FRMD4A: variants seen among roughly 807,000 people sequenced by gnomAD.
FRMD4A encodes the protein FERM domain-containing protein 4A.
FRMD4A carries 29 observed loss-of-function variants against 129.1 expected under a neutral mutation model. The ratio of observed to expected loss-of-function variants is 0.22; its 90% CI spans 0.17 to 0.31. FRMD4A has a LOEUF of 0.31. FRMD4A is among the 10% of genes least tolerant of loss of function. The pLI is 1.00. For missense variants in FRMD4A, 1,272 were observed against 1,375.8 expected, an observed-to-expected ratio of 0.92 and a Z score of 1.19; for synonymous variants, 634 against 571.6, an observed-to-expected ratio of 1.11 and a Z score of -1.56.
At chr10:13,923,595 T>A (rs74121794) in intron 2 of FRMD4A, among the ~76,000 whole-genome samples, 2 of 152,048 alleles carry the variant, frequency 1.3e-5, no homozygotes, top group Non-Finnish European at 2.9e-5. Context: ...TACCATAAGG[T>A]TTCATCACTT....
chr10:13,686,548 A>G (rs1252098612), intron 15 of FRMD4A, among the ~76,000 whole-genome samples: 1 of 152,234 alleles, frequency 6.6e-6, no homozygotes, highest in East Asian at 1.9e-4. Flanking sequence ...TGCCAGGCCC[A>G]TGTTTAGCAC....
chr10:13,699,270 T>A (rs2134862436), intron 14 of FRMD4A, among the ~76,000 whole-genome samples: 1 of 136,408 alleles, frequency 7.3e-6, no homozygotes, highest in Non-Finnish European at 1.5e-5. Flanking sequence ...AAAGACTGGG[T>A]TTCCCCATGT....
intron 2 of FRMD4A, among the ~76,000 whole-genome samples, chr10:13,927,006 C>A (rs1318399085): frequency 1.3e-5 from 2 of 152,170 alleles, no homozygotes; most frequent in Non-Finnish European, 2.9e-5. Context: ...ATAATCCCAG[C>A]CCTTTGGGAG....
At chr10:13,656,551 G>A in intron 22 of FRMD4A, 85 bp downstream of exon 22, 2 of 1,300,194 alleles carry the variant, frequency 1.5e-6, no homozygotes, top group Non-Finnish European at 9.8e-7. Flanking sequence ...CCAGTCCTAA[G>A]GGTACCTTCC....
intron 3 of FRMD4A, among the ~76,000 whole-genome samples, chr10:13,839,892 A>G (rs1054997605): frequency 6.6e-6 from 1 of 152,264 alleles, no homozygotes; most frequent in African/African-American, 2.4e-5. Flanking sequence ...GAGCCAGAGC[A>G]GAGCAGACCA....
At chr10:13,740,368 G>C in intron 10 of FRMD4A, 117 bp from the exon 11 acceptor site, 1 of 902,888 alleles carries the variant, frequency 1.1e-6, no homozygotes. Flanking sequence ...AGTTCTCGGA[G>C]TGATTATTTA....
At chr10:14,092,044 A>G (rs1836690862) in intron 2 of FRMD4A, among the ~76,000 whole-genome samples, 2 of 152,142 alleles carry the variant, frequency 1.3e-5, no homozygotes. Flanking sequence ...CCCACCTCAC[A>G]GCTCTGGATG....
intron 11 of FRMD4A, among the ~76,000 whole-genome samples, chr10:13,738,390 A>T (rs917882980): frequency 6.6e-6 from 1 of 152,190 alleles, no homozygotes; most frequent in Non-Finnish European, 1.5e-5. Flanking sequence ...GAGACTATGG[A>T]AAGTGACTCC....
chr10:14,167,762 T>G (rs917151078), intron 2 of FRMD4A, among the ~76,000 whole-genome samples: 1 of 151,794 alleles, frequency 6.6e-6, no homozygotes, highest in African/African-American at 2.4e-5. Flanking sequence ...CACATGAAGG[T>G]GGCCTTAGAG....
chr10:14,073,607 T>C (rs2131719990), intron 2 of FRMD4A, among the ~76,000 whole-genome samples: 1 of 152,240 alleles, frequency 6.6e-6, no homozygotes, highest in East Asian at 1.9e-4. Flanking sequence ...TGGCTGATGT[T>C]GTTGGCATTG....
At chr10:14,144,841 G>T (rs11258899) in intron 2 of FRMD4A, among the ~76,000 whole-genome samples, 26,850 of 152,084 alleles carry the variant, frequency 0.18, 4,135 homozygotes, top group African/African-American at 0.42. Context: ...GCAGAGGAGA[G>T]GGTGAAACCG....
intron 2 of FRMD4A, among the ~76,000 whole-genome samples, chr10:14,187,093 T>G (rs1472397990): frequency 7.8e-6 from 1 of 128,228 alleles, no homozygotes; most frequent in Non-Finnish European, 1.6e-5. Context: ...TACTCTCGTT[T>G]GGGTGACAGA....
intron 5 of FRMD4A, among the ~76,000 whole-genome samples, chr10:13,787,057 C>T (rs1437334300): frequency 6.6e-6 from 1 of 152,120 alleles, no homozygotes; most frequent in East Asian, 1.9e-4. Flanking sequence ...CTGTGACTGC[C>T]TTCATTTCCA....
chr10:13,935,490 A>T (rs961855004), intron 2 of FRMD4A, among the ~76,000 whole-genome samples: 28 of 149,528 alleles, frequency 1.9e-4, no homozygotes, highest in Non-Finnish European at 3.3e-4. Flanking sequence ...TTACCAAATG[A>T]TCAACGATTT....
At chr10:13,850,699 T>G (rs1433945132) in intron 3 of FRMD4A, among the ~76,000 whole-genome samples, 4 of 152,218 alleles carry the variant, frequency 2.6e-5, no homozygotes, top group African/African-American at 9.6e-5. Context: ...TATTAATAGA[T>G]CATATCTTGT....
At chr10:13,852,047 G>A (rs2094146845) in intron 3 of FRMD4A, among the ~76,000 whole-genome samples, 1 of 151,788 alleles carries the variant, frequency 6.6e-6, no homozygotes, top group African/African-American at 2.4e-5. Flanking sequence ...TTACAATGTA[G>A]TAATCATGGA....
At chr10:13,663,708 C>T (rs2082808201) in intron 18 of FRMD4A, among the ~76,000 whole-genome samples, 199 bp from the exon 19 acceptor site, 1 of 152,154 alleles carries the variant, frequency 6.6e-6, no homozygotes, top group African/African-American at 2.4e-5. Context: ...CTCCCCACCC[C>T]GACACTGCCA....
At chr10:13,855,198 G>T (rs936581506) in intron 3 of FRMD4A, among the ~76,000 whole-genome samples, 1 of 152,112 alleles carries the variant, frequency 6.6e-6, no homozygotes, top group Non-Finnish European at 1.5e-5. Context: ...TGTTATGCTC[G>T]GAGTGGCCGA....
chr10:14,009,034 A>G (rs1265287026), intron 2 of FRMD4A, among the ~76,000 whole-genome samples: 1 of 152,254 alleles, frequency 6.6e-6, no homozygotes, highest in Non-Finnish European at 1.5e-5. Context: ...TACGTGTGCC[A>G]GTAAACAAGA....
Sources: gnomAD v4.1 joint callset for allele counts (sites outside exome capture counted in the v4.1 genomes callset) on GRCh38, gnomAD v4.1.1 for gene constraint, MANE v1.5 for transcripts, NCBI Gene and HGNC (gene_info 2026-07-23, HGNC 2026-07-21) for gene names.